The following KIRREL3 variants were observed in gnomAD, a reference collection of about 807,000 sequenced individuals.
KIRREL3 encodes the protein kirre like nephrin family adhesion molecule 3.
KIRREL3 carries 36 observed loss-of-function variants against 89.7 expected under a neutral mutation model. The ratio of observed to expected loss-of-function variants is 0.40; its 90% CI spans 0.31 to 0.53. The LOEUF is 0.53. KIRREL3 is among the 20% of genes least tolerant of loss of function. KIRREL3 has a pLI of 0.49. For missense variants in KIRREL3, 864 were observed against 1,056.6 expected (o/e 0.82, Z 2.53); for synonymous variants, 445 against 441.4 (o/e 1.01, Z -0.10).
rs766068290 is a variant in KIRREL3 at position 126,463,342 on chromosome 11, T to C, written c.592-35A>G. On this transcript the variant is annotated intron_variant, in intron 5 of 16. Coordinates refer to ENST00000525144, the MANE Select transcript of KIRREL3 (RefSeq NM_032531.4). This position sits in a 1 kb window ranked among gnomAD's most constrained non-coding sequence, Gnocchi z 5.9. Reference sequence around the variant, plus strand: ...AAGGGAAAGGGGAGAGAAAGCTCCATGTCGCTTGGCTGGGGTGGCCAGCCT... The same window carrying C: ...AAGGGAAAGGGGAGAGAAAGCTCCACGTCGCTTGGCTGGGGTGGCCAGCCT... 1.4e-5 allele frequency: 23 copies of C among 1,596,504 alleles called. No individual in the cohort carries two copies. Among genetic ancestry groups the C allele is most frequent in the East Asian group, 2.2e-5 (1 of 44,548 alleles).
At chr11:126,919,008 T>G (rs1341839826) in intron 1 of KIRREL3, among the ~76,000 whole-genome samples, 2 of 149,556 alleles carry the variant, frequency 1.3e-5, no homozygotes, top group African/African-American at 2.4e-5. Context: ...ATTATATATA[T>G]GTATATATGT....
rs1357952313 is a variant in KIRREL3, at chr11:126,475,350, G to C, written c.434-1884C>G. ...GTCAGCCCTTCTCCTAGTCCACTCCGGCTTCTGTGAAAGCTCCAGGAGGGA... is the reference window on the plus strand; with the variant it reads ...GTCAGCCCTTCTCCTAGTCCACTCCCGCTTCTGTGAAAGCTCCAGGAGGGA... On this transcript the variant is annotated intron_variant, in intron 4 of 16. Coordinates refer to ENST00000525144, the MANE Select transcript of KIRREL3 (RefSeq NM_032531.4). The surrounding 1 kb of genome is among the most constrained non-coding windows in gnomAD (Gnocchi z 7.5). Among the ~76,000 whole-genome samples, 1 of 152,246 alleles carries C rather than the reference G, an allele frequency of 6.6e-6. No homozygotes were observed. Among genetic ancestry groups the C allele is most frequent in the Admixed American group, 6.5e-5 (1 of 15,298 alleles).
At position 126,686,063 on chromosome 11, in the gene KIRREL3, G is replaced by C. The variant is rs1165287762; in HGVS notation, c.56-123151C>G. ...TGTCTACTCTGGCTCTGTGGGCACT[G>C]TTCCTGAGGTGTGAGCAAACCCTGC... On this transcript the variant is annotated intron_variant, in intron 1 of 16. Coordinates refer to ENST00000525144, the MANE Select transcript of KIRREL3 (RefSeq NM_032531.4). The surrounding 1 kb of genome is among the most constrained non-coding windows in gnomAD (Gnocchi z 4.7). Among the ~76,000 whole-genome samples the C allele has an allele frequency of 6.6e-6, 1 of 152,218 alleles. No individual in the cohort carries two copies. Among genetic ancestry groups the C allele is most frequent in the Non-Finnish European group, 1.5e-5 (1 of 68,042 alleles).
At chr11:126,973,077 C>T (rs1244662149) in intron 1 of KIRREL3, among the ~76,000 whole-genome samples, 1 of 135,804 alleles carries the variant, frequency 7.4e-6, no homozygotes, top group East Asian at 2.1e-4. Flanking sequence ...CAACTTATTC[C>T]ACTGCCAACT....
Position 126,892,615 on chromosome 11 carries a change from T to A in KIRREL3, c.55+107840A>T, listed in dbSNP as rs1450453839. ...ACGTGTGTGTGCATGTGCACGTGTG[T>A]ATGTATTATGTGTGTGTGTTTCCGG... On this transcript the variant is annotated intron_variant, in intron 1 of 16. Transcript: ENST00000525144. This position sits in a 1 kb window ranked among gnomAD's most constrained non-coding sequence, Gnocchi z 5.4. 6.6e-6 allele frequency among the ~76,000 whole-genome samples: 1 copy of A among 152,196 alleles called. No homozygotes were observed. Among genetic ancestry groups the A allele is most frequent in the African/African-American group, 2.4e-5 (1 of 41,448 alleles).
intron 1 of KIRREL3, among the ~76,000 whole-genome samples, chr11:126,801,021 C>T (rs1054775399): frequency 2.0e-5 from 3 of 152,128 alleles, no homozygotes; most frequent in East Asian, 1.9e-4. Flanking sequence ...GTGGTGCATG[C>T]GTGCCCACAT....
rs567169446 is a variant in KIRREL3 at position 126,689,976 on chromosome 11, C to T, written c.56-127064G>A. ...CTTCTTTTAGACCCTATTTGTCTCC[C>T]GGCCTCACACTGCCTTCCTCTTGCT... On this transcript the variant is annotated intron_variant, in intron 1 of 16. Transcript: ENST00000525144. The surrounding 1 kb of genome is among the most constrained non-coding windows in gnomAD (Gnocchi z 5.2). Among the ~76,000 whole-genome samples, 41 of 152,280 alleles carry T rather than the reference C, an allele frequency of 2.7e-4. No homozygotes were observed. Among genetic ancestry groups the T allele is most frequent in the Admixed American group, 2.2e-3 (33 of 15,296 alleles).
At position 126,837,760 on chromosome 11, in the gene KIRREL3, A is replaced by C. The variant is rs955902082; in HGVS notation, c.55+162695T>G. 6.6e-6 allele frequency among the ~76,000 whole-genome samples: 1 copy of C among 152,250 alleles called. No individual in the cohort carries two copies. The highest frequency in any genetic ancestry group is 1.5e-5 in the Non-Finnish European group (1 of 68,044). ...TGATTAAAGGTGATTTTGTCAAAGC[A>C]TAACACTACCTCTCACAATGGAAGC... On this transcript the variant is annotated intron_variant, in intron 1 of 16. Transcript: ENST00000525144. The surrounding 1 kb of genome is among the most constrained non-coding windows in gnomAD (Gnocchi z 4.7).
At chr11:126,712,039 C>T (rs781018998) in intron 1 of KIRREL3, among the ~76,000 whole-genome samples, 1 of 152,212 alleles carries the variant, frequency 6.6e-6, no homozygotes, top group Non-Finnish European at 1.5e-5. Context: ...GGCCTTCTGC[C>T]GTCAGCCAGC....
chr11:126,501,389 G>C lies in KIRREL3; in HGVS notation c.433+19926C>G, dbSNP rs943066801. On this transcript the variant is annotated intron_variant, in intron 4 of 16. Transcript: ENST00000525144. The surrounding 1 kb of genome is among the most constrained non-coding windows in gnomAD (Gnocchi z 5.8). ...GAGAGGAGCCAGCTTGGGGCCTGGG[G>C]TGCAGTCTTAGAGACTAAGGAGGCT... Among the ~76,000 whole-genome samples, 5 of 152,236 alleles carry C rather than the reference G, an allele frequency of 3.3e-5. No homozygotes were observed. Among genetic ancestry groups the C allele is most frequent in the African/African-American group, 1.2e-4 (5 of 41,458 alleles).
chr11:126,514,219 G>A (rs1370270212), intron 4 of KIRREL3, among the ~76,000 whole-genome samples: 3 of 152,128 alleles, frequency 2.0e-5, no homozygotes, highest in South Asian at 2.1e-4. Context: ...CCTGTCTTCC[G>A]TCTCTGGCTC....
At position 126,814,699 on chromosome 11, in the gene KIRREL3, C is replaced by T. The variant is rs997313556; in HGVS notation, c.55+185756G>A. Among the ~76,000 whole-genome samples, 1 of 152,220 alleles carries T rather than the reference C, an allele frequency of 6.6e-6. No individual in the cohort carries two copies. The highest frequency in any genetic ancestry group is 6.5e-5 in the Admixed American group (1 of 15,276). On this transcript the variant is annotated intron_variant, in intron 1 of 16. Transcript: ENST00000525144. This position sits in a 1 kb window ranked among gnomAD's most constrained non-coding sequence, Gnocchi z 4.4. Reference sequence around the variant, plus strand: ...AACCAAACACTGCATGTTCTCACTTCTAAGTAGGAGCTGAACAGTGAGAAC... The same window carrying T: ...AACCAAACACTGCATGTTCTCACTTTTAAGTAGGAGCTGAACAGTGAGAAC...
chr11:126,521,804 G>A lies in KIRREL3; in HGVS notation c.284-340C>T, dbSNP rs1362961596. Among the ~76,000 whole-genome samples the A allele has an allele frequency of 6.6e-6, 1 of 151,612 alleles. No homozygotes were observed. Among genetic ancestry groups the A allele is most frequent in the Non-Finnish European group, 1.5e-5 (1 of 67,926 alleles). On this transcript the variant is annotated intron_variant, in intron 3 of 16. Transcript: ENST00000525144. This position sits in a 1 kb window ranked among gnomAD's most constrained non-coding sequence, Gnocchi z 4.1. ...CTGTCACTCAGATTGGAGTGTAGTGGCAGGATCATAGCTCACTGCAGGCTC... is the reference window on the plus strand; with the variant it reads ...CTGTCACTCAGATTGGAGTGTAGTGACAGGATCATAGCTCACTGCAGGCTC...
chr11:126,517,435 G>A (rs1030505309), intron 4 of KIRREL3, among the ~76,000 whole-genome samples: 2 of 152,124 alleles, frequency 1.3e-5, no homozygotes, highest in South Asian at 2.1e-4. Flanking sequence ...GTCCTCTGAA[G>A]CCCAACCAAA....
At chr11:126,804,079 CAT>C (rs1951127459) in intron 1 of KIRREL3, among the ~76,000 whole-genome samples, 1 of 152,164 alleles carries the variant, frequency 6.6e-6, no homozygotes, top group Non-Finnish European at 1.5e-5. Flanking sequence ...CTTGGGAATA[CAT>C]GTGTGTGTGT....
chr11:126,812,621 G>T lies in KIRREL3; in HGVS notation c.55+187834C>A, dbSNP rs1244059229. ...GCAAGCTGTAGATTTCAGATGCAAG[G>T]CAATGGTTAGTAACTAGATTTTCTT... On this transcript the variant is annotated intron_variant, in intron 1 of 16. Coordinates refer to ENST00000525144, the MANE Select transcript of KIRREL3 (RefSeq NM_032531.4). The surrounding 1 kb of genome is among the most constrained non-coding windows in gnomAD (Gnocchi z 5.2). Among the ~76,000 whole-genome samples the T allele has an allele frequency of 1.3e-5, 2 of 152,130 alleles. No homozygotes were observed. The highest frequency in any genetic ancestry group is 6.5e-5 in the Admixed American group (1 of 15,268).
chr11:126,702,319 ATCT>A (rs891329563), intron 1 of KIRREL3, among the ~76,000 whole-genome samples: 7 of 152,222 alleles, frequency 4.6e-5, no homozygotes, highest in African/African-American at 1.7e-4. Context: ...AAAGAAAGCA[ATCT>A]TTCCTTGAAA....
At chr11:126,698,494 C>T (rs922288649) in intron 1 of KIRREL3, among the ~76,000 whole-genome samples, 1 of 152,224 alleles carries the variant, frequency 6.6e-6, no homozygotes, top group Non-Finnish European at 1.5e-5. Flanking sequence ...GGAGAGACGA[C>T]AGGTCAGGGG....
At position 126,517,430 on chromosome 11, in the gene KIRREL3, C is replaced by A. The variant is rs150632233; in HGVS notation, c.433+3885G>T. Among the ~76,000 whole-genome samples, 3 of 152,226 alleles carry A rather than the reference C, an allele frequency of 2.0e-5. No homozygotes were observed. In the East Asian group the frequency reaches 5.8e-4, roughly 30 times the overall value. ...CTCTGCACATGTGCATGGGGGTCCT[C>A]TGAAGCCCAACCAAACTGAGTCTTC... On this transcript the variant is annotated intron_variant, in intron 4 of 16. Transcript: ENST00000525144.
Sources: allele counts gnomAD v4.1 joint callset (sites outside exome capture counted in the v4.1 genomes callset), GRCh38; gene constraint gnomAD v4.1.1; non-coding constraint Gnocchi (gnomAD v3.1); transcripts MANE v1.5; gene names NCBI Gene and HGNC (gene_info 2026-07-23, HGNC 2026-07-21).